CYB5A: variants seen among roughly 807,000 people sequenced by gnomAD.
CYB5A encodes the protein cytochrome b5.
Under a neutral mutation model 16.2 loss-of-function variants are expected in CYB5A, and 10 were observed. That is an observed-to-expected ratio of 0.62 (90% CI 0.38 to 1.04). The LOEUF (loss-of-function observed/expected upper bound fraction) is 1.04. Ranked by LOEUF, CYB5A falls within the 50% of genes least tolerant of loss-of-function variation. The pLI is 0.01. For missense variants in CYB5A, 161 were observed against 165.9 expected, an observed-to-expected ratio of 0.97 and a Z score of 0.16; for synonymous variants, 62 against 57.0, an observed-to-expected ratio of 1.09 and a Z score of -0.40.
intron 1 of CYB5A, among the ~76,000 whole-genome samples, chr18:74,279,303 G>A (rs969745318): frequency 7.2e-5 from 11 of 152,212 alleles, no homozygotes; most frequent in Admixed American, 3.3e-4. Flanking sequence ...CAAGGCAGGC[G>A]GATCACCTGA....
At chr18:74,255,825 T>G in intron 3 of CYB5A, 50 bp from the exon 4 acceptor site, 1 of 1,361,702 alleles carries the variant, frequency 7.3e-7, no homozygotes, top group Non-Finnish European at 1.1e-6. Context: ...ATGCTGAACT[T>G]ATTTCATTGA....
chr18:74,273,828 G>A (rs1055880453), intron 1 of CYB5A, among the ~76,000 whole-genome samples: 2 of 152,144 alleles, frequency 1.3e-5, no homozygotes, highest in East Asian at 1.9e-4. Flanking sequence ...TAAGAACCTC[G>A]CTGAGAAGAC....
chr18:74,285,141 C>G lies in CYB5A; in HGVS notation c.129+6606G>C, dbSNP rs529437785. On this transcript the variant is annotated intron_variant, in intron 1 of 4. Transcript: ENST00000340533. The stretch of plus-strand genomic sequence containing the variant: ...TGAATTTCAACACCCATACTCTGTT[C>G]CTCTATCCCCAAGCCTTGGAAAGCA... 3.3e-5 allele frequency among the ~76,000 whole-genome samples: 5 copies of G among 152,306 alleles called. No homozygotes were observed. In the South Asian group the frequency reaches 1.0e-3, roughly 32 times the overall value.
chr18:74,260,935 G>T lies in CYB5A; in HGVS notation c.268C>A (p.Pro90Thr). 7 of 1,612,398 alleles carry T rather than the reference G, an allele frequency of 4.3e-6. No homozygotes were observed. Among genetic ancestry groups the T allele is most frequent in the Non-Finnish European group, 5.9e-6 (7 of 1,178,588 alleles). The change falls in exon 3 of 5, where the codon CCA (proline) becomes ACA (threonine). Residue 90 changes from proline (P) to threonine (T), a missense_variant. Transcript: ENST00000340533. The stretch of plus-strand genomic sequence containing the variant: ...CTTACCGGAGGCTTGTTTAACTTTG[G>T]TCTGTCATCCTGCAATGAAAAGATA... ...IIGELHPDDR[P>T]KLNKPPETLI...
At chr18:74,256,933 C>A in intron 3 of CYB5A, 1 of 1,251,200 alleles carries the variant, frequency 8.0e-7, no homozygotes, top group Non-Finnish European at 1.2e-6. Context: ...ATTTTAAAAT[C>A]TTAGCATCTA....
chr18:74,291,788 G>T lies in CYB5A; in HGVS notation c.88C>A (p.Leu30Met). The T allele has an allele frequency of 6.2e-7, 1 of 1,613,926 alleles. No individual in the cohort carries two copies. The highest frequency in any genetic ancestry group is 8.5e-7 in the Non-Finnish European group (1 of 1,179,834). The change falls in exon 1 of 5, where the codon CTG (leucine) becomes ATG (methionine). Residue 30 changes from leucine (L) to methionine (M), a missense_variant. Coordinates refer to ENST00000340533, the MANE Select transcript of CYB5A (RefSeq NM_148923.4). ...HNHSKSTWLI[L>M]HHKVYDLTKF... Reference sequence around the variant, plus strand: ...GTCAAATCGTACACCTTGTGGTGCAGGATCAGCCAGGTGCTCTTGCTGTGG... The same window carrying T: ...GTCAAATCGTACACCTTGTGGTGCATGATCAGCCAGGTGCTCTTGCTGTGG...
Position 74,263,414 on chromosome 18 carries a change from CCTCAAAGTT to C in CYB5A, c.184_192del (p.Asn62_Glu64del), listed in dbSNP as rs1341210125. 1 of 1,614,084 alleles carries C rather than the reference CCTCAAAGTT, an allele frequency of 6.2e-7. No homozygotes were observed. On this transcript the variant is annotated inframe_deletion, in exon 2 of 5. Transcript: ENST00000340533. ...CTGGCATCTGTAGAGTGCCCGACAT[CCTCAAAGTT>C]CTCAGTAGCGTCACCTCCAGCTTGT...
Position 74,252,018 on chromosome 18 carries a change from A to G in CYB5A, c.*1566T>C, listed in dbSNP as rs1981789612. The G allele has an allele frequency of 6.6e-6, 1 of 152,254 alleles. No homozygotes were observed. The highest frequency in any genetic ancestry group is 1.9e-4 in the East Asian group (1 of 5,204). 9.4% of individuals were successfully genotyped at this position (152,254 alleles called of 1,614,324 possible). ...TAAAATGTGAAGCTTTATAGCTAAA[A>G]ATCACAACCAAAAATATTGAAATAT... is the stretch of plus-strand genomic sequence containing the variant. On this transcript the variant is annotated 3_prime_UTR_variant, in exon 5 of 5. Transcript: ENST00000340533.
At chr18:74,280,036 A>T (rs555119971) in intron 1 of CYB5A, among the ~76,000 whole-genome samples, 72 of 152,296 alleles carry the variant, frequency 4.7e-4, no homozygotes, top group Non-Finnish European at 8.4e-4. Context: ...CTACAGGGAA[A>T]AACTCAGCAG....
At chr18:74,283,273 A>G (rs572241934) in intron 1 of CYB5A, among the ~76,000 whole-genome samples, 1 of 152,300 alleles carries the variant, frequency 6.6e-6, no homozygotes, top group Non-Finnish European at 1.5e-5. Context: ...AATCCTTCCC[A>G]GGGCAGTCAT....
chr18:74,263,197 A>G, intron 2 of CYB5A, 152 bp downstream of exon 2: 4 of 1,037,516 alleles, frequency 3.9e-6, no homozygotes, highest in Non-Finnish European at 5.8e-6. Flanking sequence ...TTTTTGGTCA[A>G]TTTATTTATA....
chr18:74,251,553 T>C lies in CYB5A; in HGVS notation c.*2031A>G, dbSNP rs1455955513. 1 of 152,136 alleles carries C rather than the reference T, an allele frequency of 6.6e-6. No individual in the cohort carries two copies. The highest frequency in any genetic ancestry group is 2.4e-5 in the African/African-American group (1 of 41,426). 9.4% of individuals were successfully genotyped at this position (152,136 alleles called of 1,614,324 possible). ...TGGGAGGCAGGTTGGCCCTAAGCAG[T>C]TTCCAGCTTGAGTTTTCCTTAGTGA... On this transcript the variant is annotated 3_prime_UTR_variant, in exon 5 of 5. Transcript: ENST00000340533.
chr18:74,265,466 C>T (rs1982396726), intron 1 of CYB5A, among the ~76,000 whole-genome samples: 1 of 152,172 alleles, frequency 6.6e-6, no homozygotes, highest in Admixed American at 6.5e-5. Flanking sequence ...TGGGAAAACA[C>T]GCATGTAGTT....
chr18:74,262,561 G>A (rs1982252301), intron 2 of CYB5A, among the ~76,000 whole-genome samples: 1 of 152,160 alleles, frequency 6.6e-6, no homozygotes, highest in Admixed American at 6.5e-5. Flanking sequence ...GGGGTACAGT[G>A]AGTAGAATAT....
intron 3 of CYB5A, chr18:74,256,048 C>G (rs994322133): frequency 2.4e-6 from 1 of 415,268 alleles, no homozygotes; most frequent in African/African-American, 2.0e-5. Flanking sequence ...ATATCTTGCA[C>G]ACGCTAGGCA....
At chr18:74,280,970 T>C (rs1983075465) in intron 1 of CYB5A, among the ~76,000 whole-genome samples, 1 of 151,950 alleles carries the variant, frequency 6.6e-6, no homozygotes, top group Non-Finnish European at 1.5e-5. Flanking sequence ...GTCACTCTAT[T>C]ATGGTGAGAA....
At chr18:74,261,305 G>C (rs568367840) in intron 2 of CYB5A, 77 of 320,254 alleles carry the variant, frequency 2.4e-4, no homozygotes, top group African/African-American at 1.6e-3. Context: ...TTGAGATTGT[G>C]CATGTATCTC....
intron 1 of CYB5A, among the ~76,000 whole-genome samples, chr18:74,282,970 T>C (rs1201355069): frequency 6.6e-6 from 1 of 152,104 alleles, no homozygotes; most frequent in East Asian, 1.9e-4. Context: ...ATGCCATAAA[T>C]AGCATTTATT....
In CYB5A at chr18:74,253,550, C is replaced by T. The variant is rs1270807565; in HGVS notation, c.*34G>A. Reference sequence around the variant, plus strand: ...GGCTTCTTTTCTCCCGTGTCCAAAGCAGGCTCTTCCTGCGCTGACTTCTGA... The same window carrying T: ...GGCTTCTTTTCTCCCGTGTCCAAAGTAGGCTCTTCCTGCGCTGACTTCTGA... On this transcript the variant is annotated 3_prime_UTR_variant, in exon 5 of 5. Coordinates refer to ENST00000340533, the MANE Select transcript of CYB5A (RefSeq NM_148923.4). 4 of 1,440,582 alleles carry T rather than the reference C, an allele frequency of 2.8e-6. No individual in the cohort carries two copies. Among genetic ancestry groups the T allele is most frequent in the Non-Finnish European group, 2.0e-6 (2 of 1,023,740 alleles). 89.2% of individuals were successfully genotyped at this position (1,440,582 alleles called of 1,614,324 possible).
Sources: allele counts gnomAD v4.1 joint callset (sites outside exome capture counted in the v4.1 genomes callset), GRCh38; gene constraint gnomAD v4.1.1; transcripts MANE v1.5; gene names NCBI Gene and HGNC (gene_info 2026-07-23, HGNC 2026-07-21).